The following SIPA1L2 variants were observed in gnomAD, a reference collection of about 807,000 sequenced individuals.
The protein encoded by SIPA1L2 is signal induced proliferation associated 1 like 2, also known as signal-induced proliferation-associated 1-like protein 2.
Under a neutral mutation model 163.9 loss-of-function variants are expected in SIPA1L2, and 56 were observed. That is an observed-to-expected ratio of 0.34 (90% CI 0.28 to 0.43). SIPA1L2 has a LOEUF of 0.43. Among genes scored for constraint, SIPA1L2 ranks in the 20% least tolerant of loss-of-function variants. The pLI is 1.00. For synonymous variants in SIPA1L2, 877 were observed against 865.7 expected (o/e 1.01, Z -0.23); for missense variants, 1,974 against 2,193.5 (o/e 0.90, Z 2.00).
At chr1:232,480,160 T>TGC (rs1553296488) in intron 6 of SIPA1L2, among the ~76,000 whole-genome samples, 6 of 124,682 alleles carry the variant, frequency 4.8e-5, no homozygotes, top group African/African-American at 1.4e-4. Flanking sequence ...TGTGCGTGTG[T>TGC]GTGTGTGTGT....
chr1:232,462,464 T>C (rs1463306413), intron 9 of SIPA1L2: 2 of 1,124,004 alleles, frequency 1.8e-6, no homozygotes, highest in Middle Eastern at 3.0e-4. Flanking sequence ...CTGTGTCTGA[T>C]GTTTCCATGG....
intron 1 of SIPA1L2, among the ~76,000 whole-genome samples, chr1:232,588,170 G>T (rs144525198): frequency 6.6e-6 from 1 of 152,164 alleles, no homozygotes; most frequent in Non-Finnish European, 1.5e-5. Flanking sequence ...GGTGGCTGTC[G>T]CAAGGGTCAG....
Position 232,514,154 on chromosome 1 carries a change from C to A in SIPA1L2, c.1186G>T (p.Asp396Tyr), listed in dbSNP as rs780625282. The change falls in exon 3 of 23, where the codon GAT becomes TAT. Residue 396 changes from aspartate (D) to tyrosine (Y), a missense_variant. Physicochemically the swap from Asp to Tyr is radical, Grantham distance 160. This residue lies in a region of SIPA1L2 where 607 missense variants were observed against 624.0 expected (regional missense o/e 0.97). Transcript: ENST00000674635. ...DLNSKENLDA[D>Y]EGDGKSNDLV... ...TCGTTACTTTTCCCATCACCCTCATCGGCATCCAGGTTCTCTTTGGAGTTG... is the reference window on the plus strand; with the variant it reads ...TCGTTACTTTTCCCATCACCCTCATAGGCATCCAGGTTCTCTTTGGAGTTG... The A allele has an allele frequency of 1.4e-5, 23 of 1,614,248 alleles. No individual in the cohort carries two copies. The highest frequency in any genetic ancestry group is 1.9e-5 in the Non-Finnish European group (22 of 1,180,046).
intron 2 of SIPA1L2, among the ~76,000 whole-genome samples, chr1:232,535,421 C>G (rs1219848548): frequency 6.6e-6 from 1 of 152,080 alleles, no homozygotes; most frequent in African/African-American, 2.4e-5. Context: ...AAATATGACA[C>G]AAACAGAAGC....
chr1:232,410,481 C>T (rs1334795770), intron 19 of SIPA1L2, among the ~76,000 whole-genome samples: 1 of 151,866 alleles, frequency 6.6e-6, no homozygotes, highest in Non-Finnish European at 1.5e-5. Flanking sequence ...AATTATCTTT[C>T]CTGTGTGTAC....
chr1:232,436,842 T>A (rs942031583), intron 15 of SIPA1L2, among the ~76,000 whole-genome samples: 6 of 152,204 alleles, frequency 3.9e-5, no homozygotes, highest in Admixed American at 3.9e-4. Flanking sequence ...ATGACTGAAT[T>A]CCATGCTGAG....
At chr1:232,602,085 G>A (rs1479788528) in intron 1 of SIPA1L2, among the ~76,000 whole-genome samples, 1 of 152,130 alleles carries the variant, frequency 6.6e-6, no homozygotes, top group Non-Finnish European at 1.5e-5. Flanking sequence ...AGGCAAGGAG[G>A]GGAAGTCACT....
At chr1:232,604,420 C>A (rs578135466) in intron 1 of SIPA1L2, among the ~76,000 whole-genome samples, 1 of 152,310 alleles carries the variant, frequency 6.6e-6, no homozygotes, top group South Asian at 2.1e-4. Context: ...AGAAAAGTAA[C>A]TATAGTTTAC....
intron 5 of SIPA1L2, among the ~76,000 whole-genome samples, chr1:232,485,223 C>T (rs1487085324): frequency 6.6e-6 from 1 of 152,202 alleles, no homozygotes; most frequent in Non-Finnish European, 1.5e-5. Flanking sequence ...TACAATCTGA[C>T]TGAATCAGCT....
chr1:232,490,158 G>A (rs964554084), intron 5 of SIPA1L2, among the ~76,000 whole-genome samples: 6 of 152,058 alleles, frequency 3.9e-5, no homozygotes, highest in South Asian at 4.2e-4. Flanking sequence ...TTCTAGTCTC[G>A]TCTTACTTCC....
At chr1:232,564,247 T>TC (rs1558271352) in intron 2 of SIPA1L2, among the ~76,000 whole-genome samples, 7 of 38,064 alleles carry the variant, frequency 1.8e-4, no homozygotes, top group South Asian at 1.0e-3. Flanking sequence ...TGTGTGTGTG[T>TC]GTGTGTGTGT....
intron 16 of SIPA1L2, among the ~76,000 whole-genome samples, chr1:232,430,597 G>C (rs1662172125): frequency 1.3e-5 from 2 of 152,240 alleles, no homozygotes; most frequent in Admixed American, 6.5e-5. Flanking sequence ...AATCTAGTTA[G>C]TGCAGTCCTG....
At chr1:232,509,855 G>A (rs1666898873) in intron 3 of SIPA1L2, among the ~76,000 whole-genome samples, 1 of 152,214 alleles carries the variant, frequency 6.6e-6, no homozygotes, top group Non-Finnish European at 1.5e-5. Context: ...GTTCACAGCT[G>A]CGCTGGAGAG....
At position 232,441,828 on chromosome 1, in the gene SIPA1L2, G is replaced by C. The variant is rs750078155; in HGVS notation, c.3478C>G (p.Pro1160Ala). The C allele has an allele frequency of 3.1e-6, 5 of 1,613,568 alleles. No homozygotes were observed. The highest frequency in any genetic ancestry group is 3.4e-6 in the Non-Finnish European group (4 of 1,179,896). ...TCCCTGGCTCCGTCACATTCCAAAG[G>C]GCCTGAGCCCTGGTGTTCGAGCAGT... ...PLLLEHQGSG[P>A]LECDGARERE... The change falls in exon 13 of 23, where the codon CCT becomes GCT. Residue 1160 changes from proline (P) to alanine (A), a missense_variant. Pro to Ala is a conservative substitution (Grantham distance 27). Transcript: ENST00000674635.
intron 21 of SIPA1L2, among the ~76,000 whole-genome samples, chr1:232,402,961 G>A (rs1030058706): frequency 6.6e-6 from 1 of 152,248 alleles, no homozygotes; most frequent in Non-Finnish European, 1.5e-5. Flanking sequence ...AACATGTCAT[G>A]AATATAGGGG....
At chr1:232,405,467 T>C (rs1441406661) in intron 19 of SIPA1L2, among the ~76,000 whole-genome samples, 1 of 152,208 alleles carries the variant, frequency 6.6e-6, no homozygotes, top group Non-Finnish European at 1.5e-5. Context: ...AACAACATAG[T>C]TGGGGCCCTG....
rs184435148 is a variant in SIPA1L2 at position 232,465,816 on chromosome 1, C to T, written c.2244-400G>A. Among the ~76,000 whole-genome samples, 18 of 151,804 alleles carry T rather than the reference C, an allele frequency of 1.2e-4. No individual in the cohort carries two copies. The highest frequency in any genetic ancestry group is 9.8e-4 in the Admixed American group (15 of 15,258). The stretch of plus-strand genomic sequence containing the variant: ...TTCGGGTGGGCCCTAATCCAACTGA[C>T]TGGTGTCCTTATAAGAGGAGAAAAT... On this transcript the variant is annotated intron_variant, in intron 8 of 22. Transcript: ENST00000674635. The surrounding 1 kb of genome is among the most constrained non-coding windows in gnomAD (Gnocchi z 4.1).
intron 1 of SIPA1L2, among the ~76,000 whole-genome samples, chr1:232,587,226 T>C (rs900947047): frequency 2.0e-5 from 3 of 152,180 alleles, no homozygotes; most frequent in African/African-American, 7.2e-5. Context: ...CAGGTACAGA[T>C]TTAGATGTTC....
chr1:232,610,570 T>C (rs1354275667), intron 1 of SIPA1L2, among the ~76,000 whole-genome samples: 1 of 152,238 alleles, frequency 6.6e-6, no homozygotes, highest in Non-Finnish European at 1.5e-5. Flanking sequence ...ATTTGTATGT[T>C]CGTCAGTTTG....
Sources: allele counts gnomAD v4.1 joint callset (sites outside exome capture counted in the v4.1 genomes callset), GRCh38; gene constraint gnomAD v4.1.1; regional missense constraint gnomAD v4.1.1; non-coding constraint Gnocchi (gnomAD v3.1); transcripts MANE v1.5; gene names NCBI Gene and HGNC (gene_info 2026-07-23, HGNC 2026-07-21).